Variants in TPD52L1 observed in about 807,000 individuals in gnomAD.
TPD52L1 encodes the protein TPD52 like 1.
A neutral mutation model predicts 28.7 loss-of-function variants in TPD52L1; 18 were observed. The ratio of observed to expected loss-of-function variants is 0.63; its 90% CI spans 0.43 to 0.93. The LOEUF (loss-of-function observed/expected upper bound fraction) is 0.93. TPD52L1 is among the 40% of genes least tolerant of loss of function. The pLI, the probability that TPD52L1 is intolerant of heterozygous loss-of-function variation, is 0.00. For missense variants in TPD52L1, 203 were observed against 254.8 expected, an observed-to-expected ratio of 0.80 and a Z score of 1.39; for synonymous variants, 75 against 88.8, an observed-to-expected ratio of 0.84 and a Z score of 0.88.
intron 1 of TPD52L1, chr6:125,203,535 A>G: frequency 3.2e-6 from 2 of 634,608 alleles, no homozygotes; most frequent in Non-Finnish European, 3.9e-6. Context: ...GGAGCTGAGG[A>G]TATTTGTGAC....
chr6:125,251,975 T>C (rs1276553846), intron 4 of TPD52L1: 1 of 1,535,132 alleles, frequency 6.5e-7, no homozygotes, highest in Admixed American at 2.0e-5. Flanking sequence ...TGCCTCCTGT[T>C]TGCTAACTCT....
intron 4 of TPD52L1, chr6:125,253,135 C>G (rs1350211318): frequency 1.3e-5 from 2 of 152,346 alleles, no homozygotes; most frequent in African/African-American, 4.8e-5. Context: ...GTGTTTGTAC[C>G]AGATGTTCTT....
chr6:125,253,944 A>G lies in TPD52L1; in HGVS notation c.425+189A>G. 6.6e-6 allele frequency: 5 copies of G among 761,538 alleles called. No individual in the cohort carries two copies. In the Admixed American group the frequency reaches 6.8e-5, roughly 10 times the overall value. The allele number at this position is 761,538 out of a possible 1,614,324, so 47.2% of individuals were successfully genotyped here. A position where few individuals can be genotyped will look rare whatever the true frequency, so the allele number is the denominator to read the frequency against. On this transcript the variant is annotated intron_variant, in intron 5 of 6. Transcript: ENST00000534000. ...GGCTTTTGACCAGACATCCTGGCTT[A>G]AATCTAGTCTTTCCTGTGTGATCCA...
chr6:125,251,145 A>G (rs1183119384), intron 4 of TPD52L1, among the ~76,000 whole-genome samples: 2 of 152,332 alleles, frequency 1.3e-5, no homozygotes, highest in South Asian at 2.1e-4. Flanking sequence ...AAAAAATAGT[A>G]AGCTTTGATT....
chr6:125,234,183 C>T (rs999276618), intron 3 of TPD52L1, among the ~76,000 whole-genome samples: 1 of 152,180 alleles, frequency 6.6e-6, no homozygotes, highest in African/African-American at 2.4e-5. Context: ...CTGCTATTGC[C>T]ATTGCTGCCA....
rs74555091 is a variant in TPD52L1 at position 125,254,258 on chromosome 6, G to A, written c.425+503G>A. On this transcript the variant is annotated intron_variant, in intron 5 of 6. Coordinates refer to ENST00000534000, the MANE Select transcript of TPD52L1 (RefSeq NM_003287.4). ...ATGTTTGTTAAATAATAAAATGTCA[G>A]TATAATTACTGACCAGATAAAAACT... 5.9e-3 allele frequency among the ~76,000 whole-genome samples: 892 copies of A among 152,276 alleles called. 13 individuals carry two copies. The highest frequency in any genetic ancestry group is 0.02 in the African/African-American group (835 of 41,548).
rs1008730450 is a variant in TPD52L1 at position 125,233,014 on chromosome 6, G to A, written c.284+3748G>A. 5.3e-5 allele frequency among the ~76,000 whole-genome samples: 8 copies of A among 152,216 alleles called. No homozygotes were observed. In the East Asian group the frequency reaches 1.6e-3, roughly 30 times the overall value. ...AGAAATTGAATCTCTTCTGTAGGCA[G>A]AAGTAGAATCAGGAAATACAACTTT... On this transcript the variant is annotated intron_variant, in intron 3 of 6. Coordinates refer to ENST00000534000, the MANE Select transcript of TPD52L1 (RefSeq NM_003287.4).
At chr6:125,184,882 A>G (rs541000669) in intron 1 of TPD52L1, among the ~76,000 whole-genome samples, 8 of 152,352 alleles carry the variant, frequency 5.3e-5, no homozygotes, top group African/African-American at 1.7e-4. Context: ...CCATTGCTAC[A>G]TTAAAATGTA....
chr6:125,207,990 C>T (rs1377645677), intron 1 of TPD52L1, among the ~76,000 whole-genome samples: 1 of 152,214 alleles, frequency 6.6e-6, no homozygotes. Flanking sequence ...ATTTATTCCA[C>T]TTCTTCCCTT....
chr6:125,240,827 T>C (rs1422649673), intron 3 of TPD52L1, among the ~76,000 whole-genome samples: 1 of 152,166 alleles, frequency 6.6e-6, no homozygotes, highest in Non-Finnish European at 1.5e-5. Flanking sequence ...TTCTTTTTCT[T>C]GTCTGATTGC....
At chr6:125,177,816 T>G (rs1189092257) in intron 1 of TPD52L1, among the ~76,000 whole-genome samples, 1 of 152,262 alleles carries the variant, frequency 6.6e-6, no homozygotes, top group African/African-American at 2.4e-5. Flanking sequence ...ATAAATATGA[T>G]ATTTAAATAG....
At chr6:125,253,693 CT>C in intron 4 of TPD52L1, 23 bp from the exon 5 acceptor site, 1 of 1,610,732 alleles carries the variant, frequency 6.2e-7, no homozygotes. Context: ...CTTTTTTCCC[CT>C]TTAATCTGCT....
At chr6:125,205,487 C>A (rs923090135) in intron 1 of TPD52L1, among the ~76,000 whole-genome samples, 1 of 152,138 alleles carries the variant, frequency 6.6e-6, no homozygotes, top group African/African-American at 2.4e-5. Context: ...GGGATGGGAC[C>A]AGGGAGGCCT....
rs1305295244 is a variant in TPD52L1 at position 125,263,506 on chromosome 6, T to A, written c.*544T>A. The A allele has an allele frequency of 1.3e-5, 2 of 152,270 alleles. No homozygotes were observed. The highest frequency in any genetic ancestry group is 2.9e-5 in the Non-Finnish European group (2 of 68,100). 9.4% of individuals were successfully genotyped at this position (152,270 alleles called of 1,614,324 possible). A position where few individuals can be genotyped will look rare whatever the true frequency, so the allele number is the denominator to read the frequency against. On this transcript the variant is annotated 3_prime_UTR_variant, in exon 7 of 7. Coordinates refer to ENST00000534000, the MANE Select transcript of TPD52L1 (RefSeq NM_003287.4). ...AGAATTGATTTTAATGACTTTGAAT[T>A]CTTAATTTCTTTGTCTTAAAAGTTG...
intron 1 of TPD52L1, among the ~76,000 whole-genome samples, chr6:125,211,307 C>CTATCTATCTATCT (rs1554209654): frequency 7.7e-4 from 114 of 147,148 alleles, no homozygotes; most frequent in African/African-American, 1.9e-3. Flanking sequence ...ATCTATCTAT[C>CTATCTATCTATCT]GTGTAACACA....
intron 1 of TPD52L1, chr6:125,219,760 C>G (rs1201891557): frequency 1.3e-5 from 5 of 379,044 alleles, no homozygotes; most frequent in Admixed American, 1.1e-4. Context: ...TGTCCTCTGC[C>G]CTTACGCCTC....
At chr6:125,196,926 G>A (rs1247190250) in intron 1 of TPD52L1, among the ~76,000 whole-genome samples, 2 of 152,174 alleles carry the variant, frequency 1.3e-5, no homozygotes, top group Non-Finnish European at 2.9e-5. Context: ...TCATTAGGCA[G>A]GAAGAAAAAG....
chr6:125,154,058 A>G (rs1401223804), intron 1 of TPD52L1, 88 bp downstream of exon 1: 18 of 1,513,570 alleles, frequency 1.2e-5, no homozygotes, highest in Non-Finnish European at 3.6e-6. Flanking sequence ...GCTCTCGGAC[A>G]GAACAGATTG....
chr6:125,176,220 G>T (rs1395853760), intron 1 of TPD52L1, among the ~76,000 whole-genome samples: 2 of 152,166 alleles, frequency 1.3e-5, no homozygotes, highest in Non-Finnish European at 2.9e-5. Flanking sequence ...TGCACATGTG[G>T]CCTGCTCTAC....
Sources: allele counts gnomAD v4.1 joint callset (sites outside exome capture counted in the v4.1 genomes callset), GRCh38; gene constraint gnomAD v4.1.1; transcripts MANE v1.5; gene names NCBI Gene and HGNC (gene_info 2026-07-23, HGNC 2026-07-21).